Variants in ADGRL2 observed in about 807,000 individuals in gnomAD.
ADGRL2 encodes calcium-independent alpha-latrotoxin receptor 2.
ADGRL2 carries 44 observed loss-of-function variants against 157.4 expected under a neutral mutation model. The observed-to-expected ratio is 0.28, with a 90% CI of 0.22 to 0.36. The LOEUF is 0.36. ADGRL2 is among the 10% of genes least tolerant of loss of function. The pLI is 1.00. For synonymous variants in ADGRL2, 585 were observed against 624.7 expected, an observed-to-expected ratio of 0.94 and a Z score of 0.95; for missense variants, 1,510 against 1,768.9, an observed-to-expected ratio of 0.85 and a Z score of 2.63.
intron 1 of ADGRL2, among the ~76,000 whole-genome samples, chr1:81,421,648 C>G (rs891783831): frequency 6.6e-6 from 1 of 152,022 alleles, no homozygotes; most frequent in African/African-American, 2.4e-5. Context: ...TTAGATGCCA[C>G]TATCATGGCA....
chr1:81,852,359 TG>T, intron 2 of ADGRL2, among the ~76,000 whole-genome samples: 1 of 152,214 alleles, frequency 6.6e-6, no homozygotes, highest in East Asian at 1.9e-4. Flanking sequence ...GGTAACCGCC[TG>T]GTAAGAGAAA....
intron 2 of ADGRL2, among the ~76,000 whole-genome samples, chr1:81,575,414 T>C (rs750757926): frequency 3.9e-5 from 6 of 152,164 alleles, no homozygotes; most frequent in East Asian, 1.9e-4. Flanking sequence ...ATTATGCACA[T>C]ACCCACAAGA....
At chr1:81,934,021 A>C (rs758383264) in intron 3 of ADGRL2, among the ~76,000 whole-genome samples, 1 of 152,026 alleles carries the variant, frequency 6.6e-6, no homozygotes, top group Non-Finnish European at 1.5e-5. Flanking sequence ...TATTTTTTAT[A>C]TTTTGGGAGG....
chr1:81,487,091 CA>C (rs146122539), intron 2 of ADGRL2, among the ~76,000 whole-genome samples: 36 of 85,252 alleles, frequency 4.2e-4, no homozygotes, highest in African/African-American at 7.2e-4. Flanking sequence ...CTCATCTCTA[CA>C]AAAAAAAAAA....
At chr1:81,491,442 CAAA>C (rs145421591) in intron 2 of ADGRL2, among the ~76,000 whole-genome samples, 1 of 149,276 alleles carries the variant, frequency 6.7e-6, no homozygotes, top group Non-Finnish European at 1.5e-5. Context: ...TACTCTGCTT[CAAA>C]AAAAAAGACT....
intron 2 of ADGRL2, among the ~76,000 whole-genome samples, chr1:81,458,291 T>C (rs75120336): frequency 0.011 from 1,625 of 152,304 alleles, 33 homozygotes; most frequent in African/African-American, 0.035. Context: ...CAATAACATG[T>C]TGTTACCTAT....
intron 1 of ADGRL2, among the ~76,000 whole-genome samples, chr1:81,412,011 A>G (rs909769654): frequency 2.0e-5 from 3 of 152,222 alleles, no homozygotes; most frequent in African/African-American, 7.2e-5. Flanking sequence ...CATTTTAACC[A>G]AGGGAAAAAT....
chr1:81,643,569 A>G (rs2082261164), intron 3 of ADGRL2, among the ~76,000 whole-genome samples: 1 of 152,180 alleles, frequency 6.6e-6, no homozygotes, highest in African/African-American at 2.4e-5. Flanking sequence ...ATGGCTTCCC[A>G]AAGCTGTGGG....
rs569872669 is a variant in ADGRL2 at position 81,649,192 on chromosome 1, T to A, written c.-143+68212T>A. The stretch of plus-strand genomic sequence containing the variant: ...TTCCAGAGCCCTAAGGCCTCTACCA[T>A]CCCAGTCAAAGGTATTCCGCCTTTC... On this transcript the variant is annotated intron_variant, in intron 3 of 24. Transcript: ENST00000370721. 3.3e-5 allele frequency among the ~76,000 whole-genome samples: 5 copies of A among 152,146 alleles called. No homozygotes were observed. In the South Asian group the frequency reaches 1.0e-3, roughly 32 times the overall value.
At chr1:81,612,880 C>T (rs563142915) in intron 3 of ADGRL2, among the ~76,000 whole-genome samples, 1 of 152,088 alleles carries the variant, frequency 6.6e-6, no homozygotes, top group African/African-American at 2.4e-5. Context: ...TCACATCTGT[C>T]AGGATGACTG....
chr1:81,841,728 A>G (rs1037483309), intron 2 of ADGRL2, among the ~76,000 whole-genome samples: 6 of 152,156 alleles, frequency 3.9e-5, no homozygotes, highest in African/African-American at 1.4e-4. Context: ...TCATAAGGGC[A>G]GGGATGTTTT....
chr1:81,954,453 A>G (rs1652830724), intron 10 of ADGRL2, among the ~76,000 whole-genome samples: 2 of 152,076 alleles, frequency 1.3e-5, no homozygotes, highest in Non-Finnish European at 2.9e-5. Flanking sequence ...GACTAATAAA[A>G]CTCTTTAAAT....
At chr1:81,904,624 T>C (rs1023220925) in intron 2 of ADGRL2, among the ~76,000 whole-genome samples, 2 of 152,058 alleles carry the variant, frequency 1.3e-5, no homozygotes, top group African/African-American at 4.8e-5. Flanking sequence ...AACAAAAACT[T>C]TGGGGCTGGG....
intron 2 of ADGRL2, among the ~76,000 whole-genome samples, chr1:81,451,726 T>C (rs1459515612): frequency 6.6e-6 from 1 of 152,182 alleles, no homozygotes; most frequent in African/African-American, 2.4e-5. Flanking sequence ...TGGGCTTGTT[T>C]ACAAATATAA....
At chr1:81,450,509 A>G (rs2077683586) in intron 2 of ADGRL2, among the ~76,000 whole-genome samples, 1 of 152,140 alleles carries the variant, frequency 6.6e-6, no homozygotes, top group South Asian at 2.1e-4. Flanking sequence ...CAGAGCCAGG[A>G]TTTGAACCCA....
intron 2 of ADGRL2, among the ~76,000 whole-genome samples, chr1:81,775,279 C>T (rs1475440481): frequency 9.2e-5 from 14 of 152,042 alleles, no homozygotes; most frequent in Admixed American, 2.6e-4. Flanking sequence ...GCTGAAGCAG[C>T]GGGTCTTTGT....
chr1:81,457,465 GTGT>G (rs2077830955), intron 2 of ADGRL2, among the ~76,000 whole-genome samples: 1 of 152,072 alleles, frequency 6.6e-6, no homozygotes, highest in African/African-American at 2.4e-5. Flanking sequence ...TTTTTTAGTA[GTGT>G]TATCTATTCT....
chr1:81,402,012 T>A (rs542364628), intron 1 of ADGRL2, among the ~76,000 whole-genome samples: 1 of 151,936 alleles, frequency 6.6e-6, no homozygotes, highest in East Asian at 1.9e-4. Flanking sequence ...TGTTTTGCAA[T>A]TCCAAGAGAT....
At chr1:81,742,971 G>A (rs2085120161) in intron 1 of ADGRL2, among the ~76,000 whole-genome samples, 1 of 151,888 alleles carries the variant, frequency 6.6e-6, no homozygotes. Context: ...TAATCTAGAG[G>A]TGAGATTTGC....
Sources: allele counts gnomAD v4.1 joint callset (sites outside exome capture counted in the v4.1 genomes callset), GRCh38; gene constraint gnomAD v4.1.1; transcripts MANE v1.5; gene names NCBI Gene and HGNC (gene_info 2026-07-23, HGNC 2026-07-21).